The following SUGCT variants were observed in gnomAD, a reference collection of about 807,000 sequenced individuals.
The protein encoded by SUGCT is succinyl-CoA:glutarate CoA-transferase.
A neutral mutation model predicts 55.0 loss-of-function variants in SUGCT; 41 were observed. That is an observed-to-expected ratio of 0.74 (90% CI 0.58 to 0.97). The LOEUF (loss-of-function observed/expected upper bound fraction) is 0.97, where lower values mean the gene tolerates loss of function less well. Ranked by LOEUF, SUGCT falls within the 50% of genes least tolerant of loss-of-function variation. SUGCT has a pLI of 0.00. For missense variants in SUGCT, 568 were observed against 547.8 expected (o/e 1.04, Z -0.37); for synonymous variants, 187 against 200.4 (o/e 0.93, Z 0.56).
At position 40,229,472 on chromosome 7, in the gene SUGCT, T is replaced by C. The variant is rs548133490; in HGVS notation, c.485-8163T>C. Among the ~76,000 whole-genome samples the C allele has an allele frequency of 4.7e-5, 7 of 150,092 alleles. 1 individual carries two copies. In the South Asian group the frequency reaches 1.1e-3, roughly 23 times the overall value. On this transcript the variant is annotated intron_variant, in intron 6 of 13. Coordinates refer to ENST00000335693, the MANE Select transcript of SUGCT (RefSeq NM_001193313.2). ...AGGTGGAGGTTGCAGTGAGCCGAGA[T>C]TGCTTCACTGAACTCCAGTCTGGGC...
intron 7 of SUGCT, among the ~76,000 whole-genome samples, chr7:40,271,364 T>A (rs2150988978): frequency 6.6e-6 from 1 of 152,258 alleles, no homozygotes; most frequent in South Asian, 2.1e-4. Flanking sequence ...CTCCTGAGCT[T>A]AAGTGGCCCT....
chr7:40,902,944 G>A, the SUGCT span, among the ~76,000 whole-genome samples: 715 of 152,216 alleles, frequency 4.7e-3, 8 homozygotes, highest in African/African-American at 0.013. Context: ...TTACAGAGGA[G>A]GGTCCAAGCT....
chr7:40,339,503 C>G (rs1045827194), intron 9 of SUGCT, among the ~76,000 whole-genome samples: 4 of 152,178 alleles, frequency 2.6e-5, no homozygotes, highest in Admixed American at 6.5e-5. Flanking sequence ...GACCGCTGTG[C>G]TAGCAATGAG....
chr7:40,926,376 A>G, the SUGCT span, among the ~76,000 whole-genome samples: 3 of 152,148 alleles, frequency 2.0e-5, no homozygotes, highest in African/African-American at 7.2e-5. Flanking sequence ...TAATGGAGAA[A>G]TGTTACTAGA....
At chr7:40,200,505 A>T (rs183041833) in intron 6 of SUGCT, among the ~76,000 whole-genome samples, 7 of 151,940 alleles carry the variant, frequency 4.6e-5, no homozygotes, top group Admixed American at 4.6e-4. Context: ...GCAAGGGGAG[A>T]AGTGATTGAG....
intron 12 of SUGCT, among the ~76,000 whole-genome samples, chr7:40,612,362 T>A (rs2151773513): frequency 6.6e-6 from 1 of 152,318 alleles, no homozygotes; most frequent in East Asian, 1.9e-4. Flanking sequence ...TGAGGTTGAA[T>A]ACTTGCTCGC....
At chr7:40,239,076 G>A (rs1292104841) in intron 7 of SUGCT, among the ~76,000 whole-genome samples, 1 of 151,954 alleles carries the variant, frequency 6.6e-6, no homozygotes, top group Non-Finnish European at 1.5e-5. Context: ...CCAGTGCTAG[G>A]ATTACAGGCA....
At chr7:40,334,205 T>A (rs563176173) in intron 9 of SUGCT, among the ~76,000 whole-genome samples, 1 of 152,224 alleles carries the variant, frequency 6.6e-6, no homozygotes, top group East Asian at 1.9e-4. Flanking sequence ...AGTGCCGCCA[T>A]GAACATCGTG....
chr7:40,789,084 T>G (rs1052050921), intron 13 of SUGCT, among the ~76,000 whole-genome samples: 1 of 152,148 alleles, frequency 6.6e-6, no homozygotes, highest in Non-Finnish European at 1.5e-5. Context: ...TGAGTTAAGC[T>G]TTTCTTTTTA....
At position 40,397,321 on chromosome 7, in the gene SUGCT, C is replaced by G. The variant is rs1351322127; in HGVS notation, c.817-51966C>G. Among the ~76,000 whole-genome samples the G allele has an allele frequency of 6.6e-5, 10 of 152,288 alleles. No homozygotes were observed. In the East Asian group the frequency reaches 1.7e-3, roughly 26 times the overall value. ...CATCCTTTAAAGCTCAGCTCTCAAG[C>G]CTCTTCATTCACATATCCTTCCTGA... On this transcript the variant is annotated intron_variant, in intron 9 of 13. Transcript: ENST00000335693.
At chr7:40,146,481 C>T (rs921767225) in intron 1 of SUGCT, among the ~76,000 whole-genome samples, 8 of 152,208 alleles carry the variant, frequency 5.3e-5, no homozygotes, top group African/African-American at 1.4e-4. Context: ...CAGAGATTTA[C>T]CCACATATTT....
At chr7:40,696,050 A>C (rs893302711) in intron 12 of SUGCT, among the ~76,000 whole-genome samples, 1 of 152,172 alleles carries the variant, frequency 6.6e-6, no homozygotes, top group African/African-American at 2.4e-5. Flanking sequence ...CCCATCCTAC[A>C]GTTCTTTTCC....
At chr7:40,910,405 A>C in the SUGCT span, among the ~76,000 whole-genome samples, 1 of 152,204 alleles carries the variant, frequency 6.6e-6, no homozygotes, top group South Asian at 2.1e-4. Context: ...TAGTTAACTT[A>C]TCATGTGCTG....
intron 1 of SUGCT, 148 bp from the exon 2 acceptor site, chr7:40,180,799 A>G: frequency 1.6e-6 from 1 of 607,930 alleles, no homozygotes. Flanking sequence ...AGCTTCCAGT[A>G]TTCTTTACTA....
intron 6 of SUGCT, among the ~76,000 whole-genome samples, chr7:40,209,588 G>A (rs780306381): frequency 2.0e-5 from 3 of 152,190 alleles, no homozygotes; most frequent in Non-Finnish European, 2.9e-5. Flanking sequence ...CCTGAGGTCC[G>A]GAGTTCGAGA....
chr7:40,377,221 TC>T (rs1562728951), intron 9 of SUGCT, among the ~76,000 whole-genome samples: 3 of 15,608 alleles, frequency 1.9e-4, no homozygotes, highest in Non-Finnish European at 7.6e-4. Context: ...TTCTTTCTTT[TC>T]TTTCTTTCTT....
intron 13 of SUGCT, among the ~76,000 whole-genome samples, chr7:40,846,713 A>AT (rs776022722): frequency 6.6e-6 from 1 of 152,238 alleles, no homozygotes; most frequent in Non-Finnish European, 1.5e-5. Context: ...AATGGTATTT[A>AT]TCCAGCCACT....
At chr7:40,814,238 G>A (rs1217241118) in intron 13 of SUGCT, among the ~76,000 whole-genome samples, 5 of 152,014 alleles carry the variant, frequency 3.3e-5, no homozygotes, top group Non-Finnish European at 4.4e-5. Flanking sequence ...ATCTGGATGT[G>A]TACCTCTCTA....
the SUGCT span, among the ~76,000 whole-genome samples, chr7:41,035,989 T>C: frequency 6.6e-6 from 1 of 152,220 alleles, no homozygotes; most frequent in South Asian, 2.1e-4. Context: ...TGTGGTTTTG[T>C]CTCACATCCT....
Sources: allele counts gnomAD v4.1 joint callset (sites outside exome capture counted in the v4.1 genomes callset), GRCh38; gene constraint gnomAD v4.1.1; transcripts MANE v1.5; gene names NCBI Gene and HGNC (gene_info 2026-07-23, HGNC 2026-07-21).